Variants in BICC1 observed in about 807,000 individuals in gnomAD.
BICC1 encodes the protein BicC family RNA binding protein 1, also known as protein bicaudal C homolog 1.
In BICC1, 43 loss-of-function variants were observed where a neutral mutation model predicts 111.0. The ratio of observed to expected loss-of-function variants is 0.39; its 90% CI spans 0.30 to 0.50. BICC1 has a LOEUF of 0.50. Ranked by LOEUF, BICC1 falls within the 20% of genes least tolerant of loss-of-function variation. BICC1 has a pLI of 0.88. For missense variants in BICC1, 1,091 were observed against 1,203.2 expected, an observed-to-expected ratio of 0.91 and a Z score of 1.38; for synonymous variants, 467 against 434.4, an observed-to-expected ratio of 1.07 and a Z score of -0.93.
chr10:58,793,369 T>G, intron 8 of BICC1, 115 bp from the exon 9 acceptor site: 1 of 985,802 alleles, frequency 1.0e-6, no homozygotes, highest in Non-Finnish European at 1.5e-6. Flanking sequence ...CTTTAATACT[T>G]CAGTTTAGTC....
At position 58,831,393 on chromosome 10, in the gene BICC1, A is replaced by G. The variant is rs1185314120; in HGVS notation, c.*2502A>G. 2 of 152,148 alleles carry G rather than the reference A, an allele frequency of 1.3e-5. No homozygotes were observed. Among genetic ancestry groups the G allele is most frequent in the Non-Finnish European group, 2.9e-5 (2 of 68,026 alleles). 9.4% of individuals were successfully genotyped at this position (152,148 alleles called of 1,614,324 possible). A position where few individuals can be genotyped will look rare whatever the true frequency, so the allele number is the denominator to read the frequency against. Reference sequence around the variant, plus strand: ...TTTTTCTAACTGAATCAATTGTTACATGAAAAATAAATTTATATAACCCCT... The same window carrying G: ...TTTTTCTAACTGAATCAATTGTTACGTGAAAAATAAATTTATATAACCCCT... On this transcript the variant is annotated 3_prime_UTR_variant, in exon 21 of 21. Coordinates refer to ENST00000373886, the MANE Select transcript of BICC1 (RefSeq NM_001080512.3).
intron 9 of BICC1, among the ~76,000 whole-genome samples, chr10:58,794,164 T>TG (rs1324640124): frequency 1.5e-4 from 20 of 133,898 alleles, no homozygotes; most frequent in South Asian, 2.4e-4. Context: ...ACTTACATGT[T>TG]TTGTGTGTGT....
intron 2 of BICC1, among the ~76,000 whole-genome samples, chr10:58,652,768 G>T (rs1838490133): frequency 6.6e-6 from 1 of 152,008 alleles, no homozygotes; most frequent in South Asian, 2.1e-4. Context: ...CTGTCTAGTG[G>T]AATGTGGCTT....
intron 20 of BICC1, among the ~76,000 whole-genome samples, chr10:58,821,138 G>C (rs1376135370): frequency 6.6e-6 from 1 of 152,118 alleles, no homozygotes; most frequent in Non-Finnish European, 1.5e-5. Context: ...TGAGTCAGGA[G>C]TTGGCAAATA....
intron 1 of BICC1, among the ~76,000 whole-genome samples, chr10:58,617,134 C>T (rs1352422450): frequency 6.6e-6 from 1 of 152,260 alleles, no homozygotes; most frequent in Non-Finnish European, 1.5e-5. Context: ...AGGAGCTGCG[C>T]TCCAGTATTC....
At chr10:58,755,007 T>G (rs1842104306) in intron 3 of BICC1, among the ~76,000 whole-genome samples, 1 of 152,206 alleles carries the variant, frequency 6.6e-6, no homozygotes, top group Non-Finnish European at 1.5e-5. Context: ...TCCTTGTATT[T>G]TAAGTTACAT....
intron 2 of BICC1, among the ~76,000 whole-genome samples, chr10:58,660,485 TA>T (rs1004203160): frequency 1.6e-3 from 222 of 141,680 alleles, no homozygotes; most frequent in Admixed American, 1.5e-3. Flanking sequence ...CTTAACCCAT[TA>T]AAAAAAAAAA....
intron 1 of BICC1, among the ~76,000 whole-genome samples, chr10:58,514,754 A>G (rs1317805350): frequency 1.3e-5 from 2 of 152,190 alleles, no homozygotes; most frequent in Non-Finnish European, 2.9e-5. Context: ...GACCGTTATA[A>G]GATAGATTTG....
chr10:58,512,882 G>A lies in BICC1; in HGVS notation c.-262G>A, dbSNP rs1164017662. Among the ~76,000 whole-genome samples, 8 of 147,832 alleles carry A rather than the reference G, an allele frequency of 5.4e-5. No individual in the cohort carries two copies. The East Asian group carries it at 1.4e-3, about 25-fold the overall frequency. On this transcript the variant is annotated 5_prime_UTR_variant, in exon 1 of 21. Coordinates refer to ENST00000373886, the MANE Select transcript of BICC1 (RefSeq NM_001080512.3). Reference sequence around the variant, plus strand: ...CAGCGCGGCGCGCTCATTCCGCGCGGGCGTTGCTGGCGGGGGGCGGCGCAG... The same window carrying A: ...CAGCGCGGCGCGCTCATTCCGCGCGAGCGTTGCTGGCGGGGGGCGGCGCAG...
At chr10:58,574,199 TACAG>T (rs1589110864) in intron 1 of BICC1, among the ~76,000 whole-genome samples, 1 of 152,096 alleles carries the variant, frequency 6.6e-6, no homozygotes, top group Non-Finnish European at 1.5e-5. Flanking sequence ...TAAAGATAAT[TACAG>T]ACAGCACAAC....
At chr10:58,547,079 G>A (rs112749404) in intron 1 of BICC1, among the ~76,000 whole-genome samples, 6 of 152,186 alleles carry the variant, frequency 3.9e-5, no homozygotes, top group African/African-American at 1.4e-4. Context: ...CCCCCTATAC[G>A]CCAAACCCAG....
chr10:58,775,690 A>AT (rs1306547010), intron 3 of BICC1, among the ~76,000 whole-genome samples: 1 of 152,220 alleles, frequency 6.6e-6, no homozygotes, highest in Non-Finnish European at 1.5e-5. Flanking sequence ...GGGGAGAGGA[A>AT]TAGGCATATT....
intron 3 of BICC1, among the ~76,000 whole-genome samples, chr10:58,760,870 C>T (rs1483545563): frequency 6.6e-6 from 1 of 152,052 alleles, no homozygotes; most frequent in Admixed American, 6.5e-5. Flanking sequence ...TTGCTTTGGT[C>T]TCATTTATCT....
At chr10:58,788,502 A>T in intron 6 of BICC1, 79 bp downstream of exon 6, 1 of 1,019,296 alleles carries the variant, frequency 9.8e-7, no homozygotes. Context: ...ATAATAATTT[A>T]TCATTTTATA....
At chr10:58,648,696 A>G in intron 2 of BICC1, 1 of 977,740 alleles carries the variant, frequency 1.0e-6, no homozygotes, top group Non-Finnish European at 1.2e-6. Flanking sequence ...CACTGTTGGA[A>G]ATCCTCTCTG....
intron 1 of BICC1, among the ~76,000 whole-genome samples, chr10:58,594,270 G>A (rs550062387): frequency 1.2e-4 from 18 of 152,262 alleles, no homozygotes; most frequent in Middle Eastern, 3.4e-3. Context: ...TGAAAGTGAC[G>A]AGGAGAATGG....
rs756689202 is a variant in BICC1 at position 58,535,895 on chromosome 10, A to G, written c.190+22562A>G. Among the ~76,000 whole-genome samples the G allele has an allele frequency of 4.5e-4, 68 of 151,554 alleles. 2 individuals carry two copies. Among genetic ancestry groups the G allele is most frequent in the Non-Finnish European group, 4.4e-5 (3 of 67,692 alleles). ...AGGGTGGAAAAAGATATTTCATGCA[A>G]TCAGAAACCAAAAGCAAGCAGGAGG... On this transcript the variant is annotated intron_variant, in intron 1 of 20. Coordinates refer to ENST00000373886, the MANE Select transcript of BICC1 (RefSeq NM_001080512.3).
chr10:58,516,426 C>A (rs1385419421), intron 1 of BICC1, among the ~76,000 whole-genome samples: 2 of 152,066 alleles, frequency 1.3e-5, no homozygotes, highest in East Asian at 3.9e-4. Flanking sequence ...ATCATTAAAA[C>A]TTAAAAGAAT....
At chr10:58,605,994 C>T (rs561228115) in intron 1 of BICC1, among the ~76,000 whole-genome samples, 12 of 152,266 alleles carry the variant, frequency 7.9e-5, no homozygotes, top group Non-Finnish European at 1.0e-4. Flanking sequence ...ATTCTTTCTA[C>T]ACTGTCTAAT....
Sources: allele counts gnomAD v4.1 joint callset (sites outside exome capture counted in the v4.1 genomes callset), GRCh38; gene constraint gnomAD v4.1.1; transcripts MANE v1.5; gene names NCBI Gene and HGNC (gene_info 2026-07-23, HGNC 2026-07-21).